C1QTNF8: variants seen among roughly 807,000 people sequenced by gnomAD.
C1QTNF8 encodes the protein complement C1q tumor necrosis factor-related protein 8.
A neutral mutation model predicts 19.2 loss-of-function variants in C1QTNF8; 27 were observed. The ratio of observed to expected loss-of-function variants is 1.41; its 90% CI spans 1.04 to 1.94. The LOEUF is 1.94. C1QTNF8 is among the 30% of genes most tolerant of loss of function. The pLI is 0.00. For synonymous variants in C1QTNF8, 208 were observed against 172.8 expected, an observed-to-expected ratio of 1.20 and a Z score of -1.60; for missense variants, 484 against 374.4, an observed-to-expected ratio of 1.29 and a Z score of -2.42.
At chr16:1,091,197 C>T (rs957913016) in intron 4 of C1QTNF8, among the ~76,000 whole-genome samples, 1 of 152,124 alleles carries the variant, frequency 6.6e-6, no homozygotes, top group African/African-American at 2.4e-5. Context: ...TTCATCTGTT[C>T]GGCACCCATG....
chr16:1,089,680 C>T lies in C1QTNF8; in HGVS notation c.*919G>A, dbSNP rs1358691750. Among the ~76,000 whole-genome samples the T allele has an allele frequency of 6.6e-6, 1 of 152,194 alleles. No individual in the cohort carries two copies. The highest frequency in any genetic ancestry group is 1.5e-5 in the Non-Finnish European group (1 of 68,026). On this transcript the variant is annotated 3_prime_UTR_variant, in exon 5 of 5. Coordinates refer to ENST00000328449, the MANE Select transcript of C1QTNF8 (RefSeq NM_207419.3). ...GCTCCCCAGAGTGCTGACCAGGCGC[C>T]CTGCTGCTGCAGCCAGGACCAGGCT... is the stretch of plus-strand genomic sequence containing the variant.
Position 1,089,470 on chromosome 16 carries a change from C to A in C1QTNF8, c.*1129G>T, listed in dbSNP as rs1960498861. On this transcript the variant is annotated 3_prime_UTR_variant, in exon 5 of 5. Transcript: ENST00000328449. ...TGGGACCTGCAAGCCCAGGGCCCCT[C>A]ACAGCTGCTCTGGGGTCCCCGACAG... Among the ~76,000 whole-genome samples, 1 of 152,214 alleles carries A rather than the reference C, an allele frequency of 6.6e-6. No homozygotes were observed. Among genetic ancestry groups the A allele is most frequent in the African/African-American group, 2.4e-5 (1 of 41,462 alleles).
Position 1,095,623 on chromosome 16 carries a change from C to T in C1QTNF8, c.-20G>A, listed in dbSNP as rs916750135. The T allele has an allele frequency of 6.6e-6, 1 of 152,298 alleles. No homozygotes were observed. Among genetic ancestry groups the T allele is most frequent in the African/African-American group, 2.4e-5 (1 of 41,458 alleles). 9.4% of individuals were successfully genotyped at this position (152,298 alleles called of 1,614,324 possible). A position where few individuals can be genotyped will look rare whatever the true frequency, so the allele number is the denominator to read the frequency against. On this transcript the variant is annotated 5_prime_UTR_variant, in exon 2 of 5. Transcript: ENST00000328449. Reference sequence around the variant, plus strand: ...AGGTGGGCCTTGCCTACCCCACTCCCCTCACAGCCACATCTGGAGGCTTGG... The same window carrying T: ...AGGTGGGCCTTGCCTACCCCACTCCTCTCACAGCCACATCTGGAGGCTTGG...
rs1960503848 is a variant in C1QTNF8, at chr16:1,089,703, G to T, written c.*896C>A. On this transcript the variant is annotated 3_prime_UTR_variant, in exon 5 of 5. Transcript: ENST00000328449. Reference sequence around the variant, plus strand: ...GCCCTGCTGCTGCAGCCAGGACCAGGCTGTGGGCTTCTCTCCTGGCACCTC... The same window carrying T: ...GCCCTGCTGCTGCAGCCAGGACCAGTCTGTGGGCTTCTCTCCTGGCACCTC... Among the ~76,000 whole-genome samples the T allele has an allele frequency of 6.6e-6, 1 of 152,206 alleles. No individual in the cohort carries two copies. The highest frequency in any genetic ancestry group is 2.4e-5 in the African/African-American group (1 of 41,448).
chr16:1,092,614 T>TGCACACAGTCGACGCTCAACCAATCACA (rs1960574415), intron 4 of C1QTNF8, among the ~76,000 whole-genome samples: 4 of 87,484 alleles, frequency 4.6e-5, no homozygotes, highest in African/African-American at 2.0e-4. Context: ...AACAAATCAC[T>TGCACACAGTCGACGCTCAACCAATCACA]GCACACAGTC....
At chr16:1,094,573 T>A (rs1430111769) in intron 3 of C1QTNF8, 142 bp downstream of exon 3, 1 of 602,366 alleles carries the variant, frequency 1.7e-6, no homozygotes, top group Non-Finnish European at 2.7e-6. Flanking sequence ...CAGGGGTCCC[T>A]GTGCAGGGAG....
intron 4 of C1QTNF8, among the ~76,000 whole-genome samples, chr16:1,091,779 C>G (rs1202804774): frequency 6.6e-6 from 1 of 152,192 alleles, no homozygotes; most frequent in Non-Finnish European, 1.5e-5. Flanking sequence ...GCCCCCAAAA[C>G]TGACCCCCTG....
Position 1,093,968 on chromosome 16 carries a change from G to C in C1QTNF8, c.292C>G (p.Arg98Gly). 1.4e-6 allele frequency: 2 copies of C among 1,468,160 alleles called. No individual in the cohort carries two copies. Among genetic ancestry groups the C allele is most frequent in the South Asian group, 1.4e-5 (1 of 73,142 alleles). The allele number at this position is 1,468,160 out of a possible 1,614,324, so 90.9% of individuals were successfully genotyped here. A position where few individuals can be genotyped will look rare whatever the true frequency, so the allele number is the denominator to read the frequency against. ...GPPGARGLQG[R>G]RGQKGQVGPP... Reference sequence around the variant, plus strand: ...CCCACCTGCCCCTTCTGGCCTCTGCGGCCCTGCAGGCCCCGGGCGCCTGGC... The same window carrying C: ...CCCACCTGCCCCTTCTGGCCTCTGCCGCCCTGCAGGCCCCGGGCGCCTGGC... Residue 98 changes from arginine to glycine, a missense_variant, in exon 4 of 5, where the codon CGC becomes GGC. Arg to Gly is a moderately radical substitution (Grantham distance 125). Transcript: ENST00000328449.
chr16:1,089,837 C>T lies in C1QTNF8; in HGVS notation c.*762G>A, dbSNP rs1243795701. ...CTCGGCCCACCCCTTCCTGTTCGGG[C>T]GCCTTTCTCTCTAAGGCGGAAGCCT... On this transcript the variant is annotated 3_prime_UTR_variant, in exon 5 of 5. Coordinates refer to ENST00000328449, the MANE Select transcript of C1QTNF8 (RefSeq NM_207419.3). Among the ~76,000 whole-genome samples the T allele has an allele frequency of 1.3e-5, 2 of 152,200 alleles. No homozygotes were observed. The highest frequency in any genetic ancestry group is 2.9e-5 in the Non-Finnish European group (2 of 68,024).
At chr16:1,094,197 C>T (rs1247275008) in intron 3 of C1QTNF8, 146 bp from the exon 4 acceptor site, 3 of 649,354 alleles carry the variant, frequency 4.6e-6, no homozygotes, top group African/African-American at 1.9e-5. Flanking sequence ...GTCTCCGCGT[C>T]CACGTCTGTA....
rs768236099 is a variant in C1QTNF8 at position 1,093,454 on chromosome 16, A to ACG, written c.*4+42_*4+43insCG. The ACG allele has an allele frequency of 8.9e-5, 108 of 1,208,142 alleles. 1 individual carries two copies. Among genetic ancestry groups the ACG allele is most frequent in the African/African-American group, 4.8e-4 (19 of 39,354 alleles). The allele number at this position is 1,208,142 out of a possible 1,614,324, so 74.8% of individuals were successfully genotyped here. ...CACACACACACACAGACACACACAC[A>ACG]CACGCGCGCGCGCGCCCGGTGCTCA... On this transcript the variant is annotated intron_variant, in intron 4 of 4. Coordinates refer to ENST00000328449, the MANE Select transcript of C1QTNF8 (RefSeq NM_207419.3).
At chr16:1,091,793 T>A (rs2151564759) in intron 4 of C1QTNF8, among the ~76,000 whole-genome samples, 1 of 152,032 alleles carries the variant, frequency 6.6e-6, no homozygotes, top group African/African-American at 2.4e-5. Context: ...CCCCCTGCGC[T>A]CAGCCGCGTG....
In C1QTNF8 at chr16:1,088,595, T is replaced by G. The variant is rs1234043300; in HGVS notation, c.*2004A>C. 6.6e-6 allele frequency among the ~76,000 whole-genome samples: 1 copy of G among 152,212 alleles called. No homozygotes were observed. Among genetic ancestry groups the G allele is most frequent in the Non-Finnish European group, 1.5e-5 (1 of 68,038 alleles). ...CAGAGAATCGTGACCGTATCTTATC[T>G]CACTTTCAGTTCTCAGTCATTGTTT... On this transcript the variant is annotated 3_prime_UTR_variant, in exon 5 of 5. Coordinates refer to ENST00000328449, the MANE Select transcript of C1QTNF8 (RefSeq NM_207419.3).
rs891089040 is a variant in C1QTNF8 at position 1,095,741 on chromosome 16, C to A, written c.-138G>T. 1 of 152,278 alleles carries A rather than the reference C, an allele frequency of 6.6e-6. No homozygotes were observed. Among genetic ancestry groups the A allele is most frequent in the Non-Finnish European group, 1.5e-5 (1 of 68,084 alleles). The allele number at this position is 152,278 out of a possible 1,614,324, so 9.4% of individuals were successfully genotyped here. ...TGCTGGACAAAGATCTAGGCTGCCT[C>A]CTTCAGGAAGCCCTCTGGGATTGTA... On this transcript the variant is annotated 5_prime_UTR_variant, in exon 2 of 5. Transcript: ENST00000328449.
At chr16:1,095,065 G>A (rs1960656320) in intron 2 of C1QTNF8, 132 bp from the exon 3 acceptor site, 2 of 427,668 alleles carry the variant, frequency 4.7e-6, no homozygotes, top group South Asian at 9.4e-5. Flanking sequence ...CCTGGGCACG[G>A]ACGGTCCTGG....
intron 4 of C1QTNF8, among the ~76,000 whole-genome samples, chr16:1,090,842 C>T (rs1222908459): frequency 6.6e-6 from 1 of 152,230 alleles, no homozygotes; most frequent in Non-Finnish European, 1.5e-5. Flanking sequence ...GGTCACTGTT[C>T]CCAGCTGCTT....
rs145396492 is a variant in C1QTNF8, at chr16:1,093,765, G to A, written c.495C>T (p.Phe165=). 1.9e-6 allele frequency: 3 copies of A among 1,612,230 alleles called. No individual in the cohort carries two copies. Among genetic ancestry groups the A allele is most frequent in the Non-Finnish European group, 1.7e-6 (2 of 1,179,694 alleles). ...RFLCTVPGVY[F]LSLNVHTWNY... is the part of the protein sequence containing the mutation. Reference sequence around the variant, plus strand: ...TCCAGGTGTGCACGTTGAGGCTGAGGAAGTAGACGCCGGGCACCGTGCAGA... The same window carrying A: ...TCCAGGTGTGCACGTTGAGGCTGAGAAAGTAGACGCCGGGCACCGTGCAGA... Residue 165 remains phenylalanine (F), a synonymous_variant, in exon 4 of 5, where the codon TTC becomes TTT. Transcript: ENST00000328449.
At chr16:1,094,956 G>A in intron 2 of C1QTNF8, 23 bp from the exon 3 acceptor site, 2 of 1,104,614 alleles carry the variant, frequency 1.8e-6, no homozygotes, top group Non-Finnish European at 2.4e-6. Context: ...AAAGAGGGGA[G>A]GGACTGAGAA....
rs1272416320 is a variant in C1QTNF8 at position 1,090,141 on chromosome 16, A to G, written c.*458T>C. ...TCCTTGGTTGTCACCACACTTCCAG[A>G]AGCCCTGCTACCGCCCCCCCACAGA... On this transcript the variant is annotated 3_prime_UTR_variant, in exon 5 of 5. Coordinates refer to ENST00000328449, the MANE Select transcript of C1QTNF8 (RefSeq NM_207419.3). 2.6e-5 allele frequency: 4 copies of G among 152,488 alleles called. No individual in the cohort carries two copies. The East Asian group carries it at 7.7e-4, about 29-fold the overall frequency. The allele number at this position is 152,488 out of a possible 1,614,324, so 9.4% of individuals were successfully genotyped here. A position where few individuals can be genotyped will look rare whatever the true frequency, so the allele number is the denominator to read the frequency against.
Sources: gnomAD v4.1 joint callset for allele counts (sites outside exome capture counted in the v4.1 genomes callset) on GRCh38, gnomAD v4.1.1 for gene constraint, MANE v1.5 for transcripts, NCBI Gene and HGNC (gene_info 2026-07-23, HGNC 2026-07-21) for gene names.